Variants in MAMLD1 observed in about 807,000 individuals in gnomAD.
MAMLD1 encodes mastermind like domain containing 1, also known as mastermind-like domain-containing protein 1.
A neutral mutation model predicts 45.0 loss-of-function variants in MAMLD1; 14 were observed. That is an observed-to-expected ratio of 0.31 (90% CI 0.21 to 0.49). The LOEUF (loss-of-function observed/expected upper bound fraction) is 0.49. Ranked by LOEUF, MAMLD1 falls within the 20% of genes least tolerant of loss-of-function variation. The pLI, the probability that MAMLD1 is intolerant of heterozygous loss-of-function variation, is 0.99. For synonymous variants in MAMLD1, 254 were observed against 247.8 expected, an observed-to-expected ratio of 1.02 and a Z score of -0.24; for missense variants, 543 against 603.6, an observed-to-expected ratio of 0.90 and a Z score of 1.05.
At chrX:150,474,721 A>G (rs1250832041) in intron 5 of MAMLD1, among the ~76,000 whole-genome samples, 2 of 112,013 alleles carry the variant, frequency 1.8e-5, no homozygotes, top group Non-Finnish European at 3.8e-5. Flanking sequence ...GGAAAGGTCC[A>G]TCCCTGCTTT....
intron 1 of MAMLD1, among the ~76,000 whole-genome samples, chrX:150,433,800 T>G (rs781829613): frequency 8.9e-6 from 1 of 111,956 alleles, no homozygotes; most frequent in Non-Finnish European, 1.9e-5. Context: ...TGCTGCCGGA[T>G]TCAGTTTGCT....
At chrX:150,487,838 C>T (rs782700873) in intron 5 of MAMLD1, among the ~76,000 whole-genome samples, 2 of 112,519 alleles carry the variant, frequency 1.8e-5, no homozygotes, top group African/African-American at 3.2e-5. Flanking sequence ...TCCTCACTGA[C>T]GTGCTCCACC....
At chrX:150,456,136 T>C (rs2035857481) in intron 2 of MAMLD1, among the ~76,000 whole-genome samples, 1 of 110,844 alleles carries the variant, frequency 9.0e-6, no homozygotes, top group South Asian at 3.9e-4. Context: ...GCCTTTCCTT[T>C]AGCACCCCAG....
rs781802555 is a variant in MAMLD1, at chrX:150,471,052, A to ACAG, written c.1503_1505dup (p.Gln502dup). ...CCACCAGTAATCTTCTAAGCCAGCA[A>ACAG]CAGCAGCAGCAGCAGCAGCAGCAGC... On this transcript the variant is annotated inframe_insertion, in exon 4 of 8. Coordinates refer to ENST00000370401, the MANE Select transcript of MAMLD1 (RefSeq NM_005491.5). 7.5e-4 allele frequency: 900 copies of ACAG among 1,207,779 alleles called. 1 individual carries two copies. Among genetic ancestry groups the ACAG allele is most frequent in the East Asian group, 4.9e-3 (166 of 33,724 alleles).
chrX:150,509,769 G>A (rs2037845343), intron 6 of MAMLD1, 193 bp from the exon 7 acceptor site: 2 of 442,787 alleles, frequency 4.5e-6, no homozygotes, highest in Middle Eastern at 8.7e-4. Flanking sequence ...TAACCCAGGT[G>A]CAGAATCTTA....
At chrX:150,424,429 A>G (rs996801334) in intron 1 of MAMLD1, among the ~76,000 whole-genome samples, 1 of 112,329 alleles carries the variant, frequency 8.9e-6, no homozygotes, top group African/African-American at 3.2e-5. Context: ...CAGCAATGTC[A>G]AAAGTAGGAT....
chrX:150,496,134 C>T (rs1169679376), intron 5 of MAMLD1, among the ~76,000 whole-genome samples: 1 of 112,839 alleles, frequency 8.9e-6, no homozygotes, highest in Non-Finnish European at 1.9e-5. Context: ...TTCGGTTGCC[C>T]GAACATGACG....
Position 150,462,818 on chromosome X carries a change from A to G in MAMLD1, c.143A>G (p.Tyr48Cys). The part of the protein sequence containing the change: ...WMEEEDLSFL[Y>C]KSSPGRKHQG... ...GAGGAAGAAGATTTATCTTTTCTCT[A>G]CAAGAGCAGCCCAGGAAGAAAGCAT... The change falls in exon 3 of 8, where the codon TAC becomes TGC. Residue 48 changes from tyrosine (Y) to cysteine (C), a missense_variant. Coordinates refer to ENST00000370401, the MANE Select transcript of MAMLD1 (RefSeq NM_005491.5). 1.4e-5 allele frequency: 17 copies of G among 1,210,375 alleles called. No individual in the cohort carries two copies. The highest frequency in any genetic ancestry group is 4.3e-5 in the Admixed American group (2 of 46,065).
At position 150,471,344 on chromosome X, in the gene MAMLD1, A is replaced by T. The variant is rs1557406532; in HGVS notation, c.1771A>T (p.Thr591Ser). ...ASSATASSTA[T>S]ATLQLQQQQQ... is the part of the protein sequence containing the mutation. Reference sequence around the variant, plus strand: ...CTCAGCCACTGCCTCCTCCACGGCCACTGCCACCTTGCAGCTGCAGCAGCA... The same window carrying T: ...CTCAGCCACTGCCTCCTCCACGGCCTCTGCCACCTTGCAGCTGCAGCAGCA... The change falls in exon 4 of 8, where the codon ACT (threonine) becomes TCT (serine). Residue 591 changes from threonine to serine, a missense_variant. Physicochemically the swap from Thr to Ser is moderately conservative, Grantham distance 58. Transcript: ENST00000370401. 8.3e-7 allele frequency: 1 copy of T among 1,210,980 alleles called. No homozygotes were observed. The highest frequency in any genetic ancestry group is 1.1e-6 in the Non-Finnish European group (1 of 895,194).
chrX:150,492,526 G>C (rs782531340), intron 5 of MAMLD1, among the ~76,000 whole-genome samples: 1 of 112,321 alleles, frequency 8.9e-6, no homozygotes, highest in South Asian at 3.7e-4. Flanking sequence ...TTTCAGACCA[G>C]GGAAAGTGGC....
chrX:150,446,652 A>T (rs1419421115), intron 2 of MAMLD1, among the ~76,000 whole-genome samples: 1 of 112,289 alleles, frequency 8.9e-6, no homozygotes, highest in Non-Finnish European at 1.9e-5. Flanking sequence ...TGTTTACTGC[A>T]CTCCCCAGCT....
At chrX:150,404,017 A>C (rs2033932822) in intron 1 of MAMLD1, among the ~76,000 whole-genome samples, 1 of 79,082 alleles carries the variant, frequency 1.3e-5, no homozygotes, top group Non-Finnish European at 2.5e-5. Flanking sequence ...GGAAGAAAGA[A>C]GAAGGGAGGG....
chrX:150,364,347 C>G (rs2031218611), intron 1 of MAMLD1, among the ~76,000 whole-genome samples: 1 of 113,246 alleles, frequency 8.8e-6, no homozygotes, highest in Non-Finnish European at 1.9e-5. Context: ...CTGGAGATGT[C>G]GTCTGATTCT....
At chrX:150,449,178 A>G (rs1557404942) in intron 2 of MAMLD1, among the ~76,000 whole-genome samples, 2 of 111,355 alleles carry the variant, frequency 1.8e-5, no homozygotes, top group African/African-American at 6.5e-5. Flanking sequence ...TAAAGAGAAT[A>G]AAGTCTGAGA....
intron 6 of MAMLD1, among the ~76,000 whole-genome samples, chrX:150,506,428 C>T (rs1169431457): frequency 9.2e-6 from 1 of 109,143 alleles, no homozygotes; most frequent in Non-Finnish European, 1.9e-5. Flanking sequence ...CCTTCCTCCA[C>T]ATTCTTTATA....
In MAMLD1 at chrX:150,417,695, C is replaced by T. The variant is rs376913970; in HGVS notation, c.-63-27759C>T. ...TGTTGTTTCCTGACTTTTTAATGAT[C>T]GCCATTCTAACTGGTGTGAGATGGT... On this transcript the variant is annotated intron_variant, in intron 1 of 7. Coordinates refer to ENST00000370401, the MANE Select transcript of MAMLD1 (RefSeq NM_005491.5). Among the ~76,000 whole-genome samples the T allele has an allele frequency of 4.0e-3, 423 of 105,746 alleles. 1 individual carries two copies. The highest frequency in any genetic ancestry group is 0.014 in the African/African-American group (400 of 28,957). The allele number at this position is 105,746 out of a possible 115,157, so 91.8% of individuals were successfully genotyped here.
In MAMLD1 at chrX:150,469,933, G is replaced by A. The variant is rs782651051; in HGVS notation, c.360G>A (p.Ala120=). The change falls in exon 4 of 8, where the codon GCG becomes GCA. Residue 120 remains alanine, a synonymous_variant. Coordinates refer to ENST00000370401, the MANE Select transcript of MAMLD1 (RefSeq NM_005491.5). ...VPPLTINPSP[A]AMGVAGQSLL... The stretch of plus-strand genomic sequence containing the variant: ...CATTGACAATAAATCCTAGCCCTGC[G>A]GCTATGGGAGTGGCTGGCCAGTCAT... 8 of 1,210,043 alleles carry A rather than the reference G, an allele frequency of 6.6e-6. No individual in the cohort carries two copies. Among genetic ancestry groups the A allele is most frequent in the African/African-American group, 1.8e-5 (1 of 57,113 alleles).
chrX:150,445,556 C>T lies in MAMLD1; in HGVS notation c.40C>T (p.Leu14Phe). ...AAGTCGGCTTGTAATCAAGAGCATG[C>T]TTCCCCATTTCGCCATGGTGGGAAA... is the stretch of plus-strand genomic sequence containing the variant. Reference protein sequence around the residue: ...WKSRLVIKSMLPHFAMVGNRQ... With the variant: ...WKSRLVIKSMFPHFAMVGNRQ... Residue 14 changes from leucine (L) to phenylalanine (F), a missense_variant, in exon 2 of 8, where the codon CTT becomes TTT. Transcript: ENST00000370401. 1 of 1,211,020 alleles carries T rather than the reference C, an allele frequency of 8.3e-7. No homozygotes were observed. The highest frequency in any genetic ancestry group is 1.1e-6 in the Non-Finnish European group (1 of 895,039).
At chrX:150,422,110 C>T (rs1602747113) in intron 1 of MAMLD1, among the ~76,000 whole-genome samples, 1 of 112,489 alleles carries the variant, frequency 8.9e-6, no homozygotes, top group Non-Finnish European at 1.9e-5. Flanking sequence ...CGTCTGTCAG[C>T]TTGCCAGGGA....
Sources: allele counts gnomAD v4.1 joint callset (sites outside exome capture counted in the v4.1 genomes callset), GRCh38; gene constraint gnomAD v4.1.1; transcripts MANE v1.5; gene names NCBI Gene and HGNC (gene_info 2026-07-23, HGNC 2026-07-21).